Variants in SLMAP observed in about 807,000 individuals in gnomAD.
SLMAP encodes sarcolemma associated protein, also known as sarcolemmal membrane-associated protein.
A neutral mutation model predicts 128.8 loss-of-function variants in SLMAP; 44 were observed. The ratio of observed to expected loss-of-function variants is 0.34; its 90% CI spans 0.27 to 0.44. The LOEUF is 0.44. SLMAP is among the 20% of genes least tolerant of loss of function. SLMAP has a pLI of 1.00. For missense variants in SLMAP, 787 were observed against 985.3 expected, an observed-to-expected ratio of 0.80 and a Z score of 2.69; for synonymous variants, 327 against 348.8, an observed-to-expected ratio of 0.94 and a Z score of 0.70.
chr3:57,836,782 G>A (rs1452066442), intron 3 of SLMAP, among the ~76,000 whole-genome samples: 1 of 152,186 alleles, frequency 6.6e-6, no homozygotes, highest in Non-Finnish European at 1.5e-5. Flanking sequence ...TTTTTTAAAA[G>A]AAAGGAAGAA....
At chr3:57,832,852 A>G (rs1178227350) in intron 3 of SLMAP, among the ~76,000 whole-genome samples, 1 of 152,152 alleles carries the variant, frequency 6.6e-6, no homozygotes, top group Non-Finnish European at 1.5e-5. Flanking sequence ...TTCCATTTAC[A>G]ATTGTAAACC....
intron 2 of SLMAP, among the ~76,000 whole-genome samples, chr3:57,812,809 T>A (rs1450496200): frequency 6.6e-5 from 10 of 152,008 alleles, no homozygotes; most frequent in African/African-American, 1.4e-4. Flanking sequence ...TCATTAAAAA[T>A]TTTTTTAAAT....
chr3:57,890,912 T>TA (rs2096051406), intron 15 of SLMAP: 1 of 152,244 alleles, frequency 6.6e-6, no homozygotes, highest in Non-Finnish European at 1.5e-5. Context: ...TTGACTTTTT[T>TA]AACCATGTAA....
intron 2 of SLMAP, among the ~76,000 whole-genome samples, chr3:57,807,138 A>G (rs1008961994): frequency 4.6e-5 from 7 of 152,028 alleles, no homozygotes; most frequent in East Asian, 3.9e-4. Flanking sequence ...TTTCTTTCAT[A>G]TATTTGTTGG....
At chr3:57,854,465 G>A (rs1248010578) in intron 6 of SLMAP, among the ~76,000 whole-genome samples, 1 of 152,102 alleles carries the variant, frequency 6.6e-6, no homozygotes, top group Non-Finnish European at 1.5e-5. Context: ...GGGCATGGTG[G>A]TGTGCACCTG....
intron 15 of SLMAP, chr3:57,890,514 C>G (rs2096035805): frequency 6.4e-6 from 1 of 155,650 alleles, no homozygotes; most frequent in Non-Finnish European, 1.4e-5. Context: ...TTTAAAATCT[C>G]TTATGATGTT....
chr3:57,864,948 A>C, intron 12 of SLMAP, 91 bp downstream of exon 12: 2 of 988,928 alleles, frequency 2.0e-6, no homozygotes, highest in South Asian at 1.6e-5. Flanking sequence ...TTTTTAAGGG[A>C]TGTTTTATGT....
At chr3:57,790,497 T>G (rs2085230814) in intron 2 of SLMAP, among the ~76,000 whole-genome samples, 1 of 152,226 alleles carries the variant, frequency 6.6e-6, no homozygotes, top group Non-Finnish European at 1.5e-5. Flanking sequence ...TTAATCTTTT[T>G]GCAGTAGATA....
rs147236576 is a variant in SLMAP, at chr3:57,860,980, G to T, written c.828+141G>T. On this transcript the variant is annotated intron_variant, in intron 9 of 24. Coordinates refer to ENST00000671191, the MANE Select transcript of SLMAP (RefSeq NM_001377540.1). Reference sequence around the variant, plus strand: ...CTGTCAGGTGGGAAGGAACAGTTACGCTGCTTTCATTGACAGCAATTCTCC... The same window carrying T: ...CTGTCAGGTGGGAAGGAACAGTTACTCTGCTTTCATTGACAGCAATTCTCC... 38 of 679,060 alleles carry T rather than the reference G, an allele frequency of 5.6e-5. No homozygotes were observed. In the African/African-American group the frequency reaches 6.7e-4, roughly 12 times the overall value. The allele number at this position is 679,060 out of a possible 1,614,324, so 42.1% of individuals were successfully genotyped here.
chr3:57,837,785 T>C (rs1171253460), intron 3 of SLMAP, among the ~76,000 whole-genome samples: 1 of 152,224 alleles, frequency 6.6e-6, no homozygotes, highest in East Asian at 1.9e-4. Context: ...AATATAAGTA[T>C]TAGAACAAAA....
intron 22 of SLMAP, among the ~76,000 whole-genome samples, chr3:57,919,033 T>G (rs1250859236): frequency 6.6e-6 from 1 of 152,170 alleles, no homozygotes; most frequent in Admixed American, 6.5e-5. Context: ...AAATTAAAAT[T>G]TATATATGTG....
In SLMAP at chr3:57,906,106, A is replaced by G. The variant is rs542732603; in HGVS notation, c.1502-1778A>G. ...CCTATATAATGACAAATCCAGAAAC[A>G]GGGGCCAGGACCTTTGCAGACTCCA... On this transcript the variant is annotated intron_variant, in intron 17 of 24. Transcript: ENST00000671191. 2.2e-3 allele frequency among the ~76,000 whole-genome samples: 329 copies of G among 150,626 alleles called. 1 individual carries two copies. Among genetic ancestry groups the G allele is most frequent in the African/African-American group, 7.5e-3 (310 of 41,140 alleles).
chr3:57,795,844 GCCTCTAGTAA>G (rs1317623060), intron 2 of SLMAP, among the ~76,000 whole-genome samples: 1 of 151,522 alleles, frequency 6.6e-6, no homozygotes, highest in Non-Finnish European at 1.5e-5. Flanking sequence ...CCCTCCCCCA[GCCTCTAGTAA>G]CCTCTATTCT....
chr3:57,851,837 A>T (rs2094516321), intron 6 of SLMAP, among the ~76,000 whole-genome samples: 1 of 151,900 alleles, frequency 6.6e-6, no homozygotes, highest in Admixed American at 6.6e-5. Context: ...TGTGACCTTG[A>T]GTGAGTCATT....
intron 2 of SLMAP, among the ~76,000 whole-genome samples, chr3:57,765,162 T>A (rs750542996): frequency 3.9e-5 from 6 of 152,140 alleles, no homozygotes; most frequent in African/African-American, 9.7e-5. Context: ...GGCTGTAGTA[T>A]GCCAAAATTG....
intron 15 of SLMAP, 97 bp from the exon 16 acceptor site, chr3:57,896,414 G>A (rs559723701): frequency 1.0e-4 from 144 of 1,439,856 alleles, no homozygotes; most frequent in Middle Eastern, 2.5e-4. Context: ...AGTACTTTGC[G>A]TACCTGTAGA....
At chr3:57,906,317 T>TTTTTTTTTC in intron 17 of SLMAP, among the ~76,000 whole-genome samples, 1 of 121,744 alleles carries the variant, frequency 8.2e-6, no homozygotes, top group East Asian at 3.0e-4. Flanking sequence ...TTTCTTTTTT[T>TTTTTTTTTC]TTTTTTTTTT....
At chr3:57,836,894 C>A (rs922193034) in intron 3 of SLMAP, among the ~76,000 whole-genome samples, 5 of 152,204 alleles carry the variant, frequency 3.3e-5, no homozygotes, top group African/African-American at 1.2e-4. Context: ...CACATTATTA[C>A]AGTAACCCTC....
At chr3:57,774,509 AATTATTATT>A (rs66990452) in intron 2 of SLMAP, among the ~76,000 whole-genome samples, 25 of 147,308 alleles carry the variant, frequency 1.7e-4, no homozygotes, top group African/African-American at 3.3e-4. Context: ...TTTAATAGAC[AATTATTATT>A]ATTATTATTA....
Sources: allele counts gnomAD v4.1 joint callset (sites outside exome capture counted in the v4.1 genomes callset), GRCh38; gene constraint gnomAD v4.1.1; transcripts MANE v1.5; gene names NCBI Gene and HGNC (gene_info 2026-07-23, HGNC 2026-07-21).